Variants in CNTN4 observed in about 807,000 individuals in gnomAD.
CNTN4 encodes the protein contactin-4.
CNTN4 carries 77 observed loss-of-function variants against 122.5 expected under a neutral mutation model. The observed-to-expected ratio is 0.63, with a 90% CI of 0.52 to 0.76. CNTN4 has a LOEUF of 0.76. CNTN4 is among the 30% of genes least tolerant of loss of function. The pLI is 0.00. For missense variants in CNTN4, 1,256 were observed against 1,259.1 expected, an observed-to-expected ratio of 1.00 and a Z score of 0.04; for synonymous variants, 512 against 447.0, an observed-to-expected ratio of 1.15 and a Z score of -1.83.
chr3:2,519,028 C>G lies in CNTN4; in HGVS notation c.-88-52388C>G, dbSNP rs187840193. Reference sequence around the variant, plus strand: ...AAAATATGAGTTATTTTAACAAGATCTGTTTGTACAGAATACCCTTGGTTT... The same window carrying G: ...AAAATATGAGTTATTTTAACAAGATGTGTTTGTACAGAATACCCTTGGTTT... On this transcript the variant is annotated intron_variant, in intron 3 of 24. Coordinates refer to ENST00000418658, the MANE Select transcript of CNTN4 (RefSeq NM_175607.3). Among the ~76,000 whole-genome samples the G allele has an allele frequency of 1.5e-4, 23 of 152,206 alleles. No individual in the cohort carries two copies. The East Asian group carries it at 4.3e-3, about 28-fold the overall frequency.
intron 3 of CNTN4, among the ~76,000 whole-genome samples, chr3:2,402,252 G>T (rs2046884661): frequency 1.3e-5 from 2 of 151,972 alleles, no homozygotes; most frequent in Admixed American, 6.6e-5. Context: ...CCTCTTTTCT[G>T]TTTGACAGAA....
chr3:2,967,707 A>C (rs565425703), intron 13 of CNTN4, among the ~76,000 whole-genome samples: 2 of 152,192 alleles, frequency 1.3e-5, no homozygotes, highest in Non-Finnish European at 2.9e-5. Flanking sequence ...GGAAAAAACT[A>C]TACAACTTAC....
At chr3:2,824,817 CA>C (rs2092952969) in intron 7 of CNTN4, among the ~76,000 whole-genome samples, 4 of 151,880 alleles carry the variant, frequency 2.6e-5, no homozygotes. Context: ...AGTGCACCAC[CA>C]CACCTGGCTA....
intron 3 of CNTN4, among the ~76,000 whole-genome samples, chr3:2,478,557 A>G (rs949071992): frequency 2.0e-5 from 3 of 152,058 alleles, no homozygotes; most frequent in Non-Finnish European, 1.5e-5. Context: ...TCAGTTAGCT[A>G]TTCTTCCTGA....
chr3:2,389,279 ATTATGTTGTT>A, intron 3 of CNTN4, among the ~76,000 whole-genome samples: 1 of 107,906 alleles, frequency 9.3e-6, no homozygotes, highest in African/African-American at 3.1e-5. Context: ...CAGCCTTCTC[ATTATGTTGTT>A]CTCGGAGAAA....
chr3:3,056,099 G>C, intron 24 of CNTN4, 21 bp from the exon 25 acceptor site: 1 of 1,605,472 alleles, frequency 6.2e-7, no homozygotes, highest in Non-Finnish European at 8.5e-7. Context: ...TGTTTTGAGT[G>C]AATTTGTTCT....
chr3:2,775,018 A>C (rs1207260734), intron 6 of CNTN4, among the ~76,000 whole-genome samples: 2 of 152,198 alleles, frequency 1.3e-5, no homozygotes, highest in Non-Finnish European at 2.9e-5. Flanking sequence ...ACGTTCACCC[A>C]GCAGCCTGCT....
At position 3,034,801 on chromosome 3, in the gene CNTN4, G is replaced by A. The variant is rs1308927188; in HGVS notation, c.1942+11G>A. 1 of 1,613,978 alleles carries A rather than the reference G, an allele frequency of 6.2e-7. No homozygotes were observed. The highest frequency in any genetic ancestry group is 8.5e-7 in the Non-Finnish European group (1 of 1,179,912). On this transcript the variant is annotated intron_variant, in intron 17 of 24. Coordinates refer to ENST00000418658, the MANE Select transcript of CNTN4 (RefSeq NM_175607.3). ...AAGCAGTCAGTACAGGTACCATATTGGATGCTTGGCTCAGAGACATTGGGA... is the reference window on the plus strand; with the variant it reads ...AAGCAGTCAGTACAGGTACCATATTAGATGCTTGGCTCAGAGACATTGGGA...
chr3:2,264,570 T>G (rs965125665), intron 2 of CNTN4, among the ~76,000 whole-genome samples: 2 of 152,148 alleles, frequency 1.3e-5, no homozygotes, highest in African/African-American at 4.8e-5. Context: ...GTAAGTTATC[T>G]CTTCACTTTG....
At chr3:3,030,493 C>T (rs142540295) in intron 15 of CNTN4, among the ~76,000 whole-genome samples, 3 of 152,288 alleles carry the variant, frequency 2.0e-5, no homozygotes, top group Non-Finnish European at 2.9e-5. Flanking sequence ...AGTATCCGAA[C>T]GCCAACCAAG....
At chr3:2,256,870 A>G (rs940039942) in intron 2 of CNTN4, among the ~76,000 whole-genome samples, 2 of 152,214 alleles carry the variant, frequency 1.3e-5, no homozygotes, top group Non-Finnish European at 2.9e-5. Context: ...AGGTAAAAGT[A>G]ATTTACAGAT....
chr3:2,981,216 A>G (rs344387), intron 13 of CNTN4, among the ~76,000 whole-genome samples: 82,961 of 151,976 alleles, frequency 0.55, 24,938 homozygotes, highest in African/African-American at 0.83. Flanking sequence ...AGGCCGAGGC[A>G]GGCAGATCAC....
At chr3:2,650,767 G>C (rs943805033) in intron 4 of CNTN4, among the ~76,000 whole-genome samples, 18 of 152,274 alleles carry the variant, frequency 1.2e-4, no homozygotes, top group African/African-American at 4.1e-4. Flanking sequence ...TATGTACATT[G>C]TGTTTTTTAG....
At chr3:2,465,011 T>C (rs1376393296) in intron 3 of CNTN4, among the ~76,000 whole-genome samples, 1 of 152,208 alleles carries the variant, frequency 6.6e-6, no homozygotes, top group Admixed American at 6.5e-5. Flanking sequence ...AGAGTTTCTG[T>C]TGGGAATGAT....
At chr3:2,550,164 G>C (rs1175313034) in intron 3 of CNTN4, among the ~76,000 whole-genome samples, 1 of 152,012 alleles carries the variant, frequency 6.6e-6, no homozygotes, top group Non-Finnish European at 1.5e-5. Flanking sequence ...TGGAGTCATT[G>C]ATTTTTTGAA....
intron 4 of CNTN4, among the ~76,000 whole-genome samples, chr3:2,633,908 A>G (rs1444502745): frequency 6.6e-6 from 1 of 152,188 alleles, no homozygotes; most frequent in Non-Finnish European, 1.5e-5. Flanking sequence ...CGCATTTTCT[A>G]TTTTCTACTT....
intron 10 of CNTN4, among the ~76,000 whole-genome samples, chr3:2,893,153 T>C (rs2094064182): frequency 6.6e-6 from 1 of 152,212 alleles, no homozygotes; most frequent in African/African-American, 2.4e-5. Flanking sequence ...CTTTTTTTCT[T>C]CTTCAAATTA....
intron 2 of CNTN4, among the ~76,000 whole-genome samples, chr3:2,235,815 A>G: frequency 6.6e-6 from 1 of 152,098 alleles, no homozygotes; most frequent in Non-Finnish European, 1.5e-5. Context: ...CAATACATCC[A>G]CTTAACACCC....
chr3:2,670,727 G>T (rs2084458084), intron 4 of CNTN4, among the ~76,000 whole-genome samples: 1 of 152,160 alleles, frequency 6.6e-6, no homozygotes, highest in South Asian at 2.1e-4. Flanking sequence ...TGCAGTGGCT[G>T]GTACCGGTTG....
Sources: allele counts gnomAD v4.1 joint callset (sites outside exome capture counted in the v4.1 genomes callset), GRCh38; gene constraint gnomAD v4.1.1; transcripts MANE v1.5; gene names NCBI Gene and HGNC (gene_info 2026-07-23, HGNC 2026-07-21).